PEPD: variants seen among roughly 807,000 people sequenced by gnomAD.
The protein encoded by PEPD is peptidase D, also known as xaa-Pro dipeptidase.
PEPD carries 53 observed loss-of-function variants against 60.7 expected under a neutral mutation model. The observed-to-expected ratio is 0.87, with a 90% CI of 0.70 to 1.10. The LOEUF (loss-of-function observed/expected upper bound fraction) is 1.10, where lower values mean the gene tolerates loss of function less well. PEPD is among the 50% of genes least tolerant of loss of function. The probability of loss-of-function intolerance (pLI) is 0.00; values close to 1 mark genes in which losing one functional copy is unlikely to be tolerated. For synonymous variants in PEPD, 267 were observed against 284.1 expected, an observed-to-expected ratio of 0.94 and a Z score of 0.60; for missense variants, 711 against 711.9, an observed-to-expected ratio of 1.00 and a Z score of 0.01.
At chr19:33,406,116 G>A (rs528853236) in intron 11 of PEPD, among the ~76,000 whole-genome samples, 2 of 152,372 alleles carry the variant, frequency 1.3e-5, no homozygotes, top group African/African-American at 4.8e-5. Context: ...ACAGTGGGGT[G>A]AGGCCCGGGC....
chr19:33,440,057 C>T (rs377232696), intron 9 of PEPD, among the ~76,000 whole-genome samples: 1 of 152,110 alleles, frequency 6.6e-6, no homozygotes, highest in Non-Finnish European at 1.5e-5. Context: ...TTTCCTCAAG[C>T]GTTTCTAAAC....
chr19:33,432,010 A>AAAAAAAAAAAAAAAAAAAAAAAAG (rs1031542443), intron 9 of PEPD, among the ~76,000 whole-genome samples: 2 of 147,600 alleles, frequency 1.4e-5, no homozygotes, highest in Admixed American at 6.8e-5. Context: ...AAAAAAAAAA[A>AAAAAAAAAAAAAAAAAAAAAAAAG]GGGAAGATTA....
intron 7 of PEPD, among the ~76,000 whole-genome samples, chr19:33,464,970 G>T (rs1380436852): frequency 6.6e-6 from 1 of 152,130 alleles, no homozygotes; most frequent in Non-Finnish European, 1.5e-5. Context: ...TGGGAGAAAG[G>T]CCCTGGGCTC....
At chr19:33,467,972 A>G (rs1970050809) in intron 7 of PEPD, among the ~76,000 whole-genome samples, 1 of 152,194 alleles carries the variant, frequency 6.6e-6, no homozygotes, top group South Asian at 2.1e-4. Flanking sequence ...CGCAGAGACC[A>G]TGGAGAGACG....
intron 7 of PEPD, among the ~76,000 whole-genome samples, chr19:33,469,665 C>G (rs1267037424): frequency 2.0e-5 from 3 of 152,154 alleles, no homozygotes; most frequent in Middle Eastern, 3.2e-3. Context: ...CTGCTAGAAG[C>G]TCCATGGCCA....
intron 1 of PEPD, among the ~76,000 whole-genome samples, chr19:33,515,845 T>C (rs567090060): frequency 6.6e-6 from 1 of 152,234 alleles, no homozygotes; most frequent in East Asian, 1.9e-4. Flanking sequence ...CCTGACACCA[T>C]GCCCCCACCT....
intron 3 of PEPD, among the ~76,000 whole-genome samples, chr19:33,505,080 C>T (rs1028344119): frequency 3.3e-5 from 5 of 152,166 alleles, no homozygotes; most frequent in Non-Finnish European, 5.9e-5. Flanking sequence ...AGTGCAGACA[C>T]GAGGAGCCCT....
At chr19:33,393,922 T>A (rs1368066884) in intron 12 of PEPD, among the ~76,000 whole-genome samples, 1 of 152,196 alleles carries the variant, frequency 6.6e-6, no homozygotes, top group Non-Finnish European at 1.5e-5. Context: ...ATCCAAGGGG[T>A]CTCTGCATAA....
chr19:33,499,956 A>G (rs1970677843), intron 4 of PEPD, among the ~76,000 whole-genome samples: 2 of 152,226 alleles, frequency 1.3e-5, no homozygotes, highest in South Asian at 4.1e-4. Context: ...GTCATCTTCA[A>G]CCAGGCTGTG....
At chr19:33,431,458 T>C (rs1969273140) in intron 9 of PEPD, among the ~76,000 whole-genome samples, 1 of 152,084 alleles carries the variant, frequency 6.6e-6, no homozygotes, top group Non-Finnish European at 1.5e-5. Context: ...AAGCAAAGAT[T>C]TCCTCTCTTC....
intron 9 of PEPD, among the ~76,000 whole-genome samples, chr19:33,431,285 A>C (rs188258127): frequency 4.1e-4 from 62 of 152,210 alleles, no homozygotes; most frequent in Admixed American, 2.5e-3. Flanking sequence ...AAGAAAAGCA[A>C]TTCAAGCCCA....
intron 9 of PEPD, among the ~76,000 whole-genome samples, chr19:33,416,162 G>A (rs543868805): frequency 6.6e-5 from 10 of 152,322 alleles, no homozygotes; most frequent in Admixed American, 2.0e-4. Context: ...CGGACGCAAC[G>A]TGTGCCCCCG....
Position 33,497,795 on chromosome 19 carries a change from C to CA in PEPD, c.393+3142dup, listed in dbSNP as rs547813819. Among the ~76,000 whole-genome samples, 44 of 152,278 alleles carry CA rather than the reference C, an allele frequency of 2.9e-4. No individual in the cohort carries two copies. In the East Asian group the frequency reaches 6.6e-3, roughly 23 times the overall value. Reference sequence around the variant, plus strand: ...TCCCAGCTCAGGGGGTTCAGTCCAGCAAGTCACACTTTTTGGCAGGCTCCC... The same window carrying CA: ...TCCCAGCTCAGGGGGTTCAGTCCAGCAAAGTCACACTTTTTGGCAGGCTCCC... On this transcript the variant is annotated intron_variant, in intron 4 of 14. Transcript: ENST00000244137.
At chr19:33,515,714 G>A (rs1312488092) in intron 1 of PEPD, among the ~76,000 whole-genome samples, 3 of 147,252 alleles carry the variant, frequency 2.0e-5, no homozygotes, top group East Asian at 2.0e-4. Flanking sequence ...TAGCATGACC[G>A]GCCGAAAATG....
At chr19:33,434,000 C>G (rs989339076) in intron 9 of PEPD, among the ~76,000 whole-genome samples, 126 of 152,252 alleles carry the variant, frequency 8.3e-4, no homozygotes, top group African/African-American at 3.0e-3. Context: ...GGTGAAGACC[C>G]CAGGACATTT....
In PEPD at chr19:33,388,025, C is replaced by T; in HGVS notation, c.1209G>A (p.Leu403=). The change falls in exon 14 of 15, where the codon CTG becomes CTA. Residue 403 remains leucine (L), a synonymous_variant. Coordinates refer to ENST00000244137, the MANE Select transcript of PEPD (RefSeq NM_000285.4). ...CCACGGTGAGCACCATGCCTGGCTGCAGGTGCCGTGCAGTGCGCAGGCTCC... is the reference window on the plus strand; with the variant it reads ...CCACGGTGAGCACCATGCCTGGCTGTAGGTGCCGTGCAGTGCGCAGGCTCC... ...GLRSLRTARH[L]QPGMVLTVEP... 1 of 1,566,824 alleles carries T rather than the reference C, an allele frequency of 6.4e-7. No individual in the cohort carries two copies. Among genetic ancestry groups the T allele is most frequent in the African/African-American group, 1.3e-5 (1 of 74,206 alleles).
chr19:33,413,642 G>A lies in PEPD; in HGVS notation c.673C>T (p.Leu225Phe), dbSNP rs749663409. 8 of 1,577,520 alleles carry A rather than the reference G, an allele frequency of 5.1e-6. 1 individual carries two copies. In the South Asian group the frequency reaches 9.2e-5, roughly 18 times the overall value. ...VGMKEYELES[L>F]FEHYCYSRGG... ...CGGGAGTAGCAGTAGTGCTCGAAGA[G>A]GCTGCAGGGGGAGAGACGCGTCAGG... The change falls in exon 10 of 15, where the codon CTC becomes TTC. Residue 225 changes from leucine to phenylalanine, a missense_variant and splice_region_variant. Coordinates refer to ENST00000244137, the MANE Select transcript of PEPD (RefSeq NM_000285.4).
intron 9 of PEPD, among the ~76,000 whole-genome samples, chr19:33,420,791 A>G (rs1968998816): frequency 6.6e-6 from 1 of 152,096 alleles, no homozygotes; most frequent in Non-Finnish European, 1.5e-5. Context: ...ATACATACAG[A>G]AAAGAACTCA....
At chr19:33,457,334 G>A (rs963957804) in intron 9 of PEPD, among the ~76,000 whole-genome samples, 37 of 152,238 alleles carry the variant, frequency 2.4e-4, no homozygotes, top group African/African-American at 7.9e-4. Context: ...GGGGGGCTGA[G>A]GCGGGAGGAT....
Sources: allele counts gnomAD v4.1 joint callset (sites outside exome capture counted in the v4.1 genomes callset), GRCh38; gene constraint gnomAD v4.1.1; transcripts MANE v1.5; gene names NCBI Gene and HGNC (gene_info 2026-07-23, HGNC 2026-07-21).